TNFRSF14: variants seen among roughly 807,000 people sequenced by gnomAD.
TNFRSF14 encodes TNF receptor superfamily member 14.
Under a neutral mutation model 34.1 loss-of-function variants are expected in TNFRSF14, and 18 were observed. That is an observed-to-expected ratio of 0.53 (90% confidence interval 0.36 to 0.78). TNFRSF14 has a LOEUF of 0.78. TNFRSF14 is among the 30% of genes least tolerant of loss of function. The pLI is 0.00. For missense variants in TNFRSF14, 352 were observed against 379.5 expected, an observed-to-expected ratio of 0.93 and a Z score of 0.60; for synonymous variants, 157 against 153.2, an observed-to-expected ratio of 1.02 and a Z score of -0.18.
Position 2,561,694 on chromosome 1 carries a change from G to T in TNFRSF14, c.573G>T (p.Lys191Asn). 6.2e-7 allele frequency: 1 copy of T among 1,613,236 alleles called. No homozygotes were observed. The highest frequency in any genetic ancestry group is 1.3e-5 in the African/African-American group (1 of 75,048). The change falls in exon 6 of 8, where the codon AAG becomes AAT. Residue 191 changes from lysine (K) to asparagine (N), a missense_variant. Transcript: ENST00000355716. The surrounding 1 kb of genome is among the most constrained non-coding windows in gnomAD (Gnocchi z 6.0). ...HQTKCSWLVT[K>N]AGAGTSSSHW... Reference sequence around the variant, plus strand: ...GCAGGTGCAGCTGGCTGGTGACGAAGGCCGGAGCTGGGACCAGCAGCTCCC... The same window carrying T: ...GCAGGTGCAGCTGGCTGGTGACGAATGCCGGAGCTGGGACCAGCAGCTCCC...
At position 2,563,425 on chromosome 1, in the gene TNFRSF14, C is replaced by T. The variant is rs1644341190; in HGVS notation, c.*152C>T. 7.6e-7 allele frequency: 1 copy of T among 1,318,456 alleles called. No homozygotes were observed. Among genetic ancestry groups the T allele is most frequent in the Non-Finnish European group, 1.0e-6 (1 of 975,542 alleles). 81.7% of individuals were successfully genotyped at this position (1,318,456 alleles called of 1,614,324 possible). A position where few individuals can be genotyped will look rare whatever the true frequency, so the allele number is the denominator to read the frequency against. On this transcript the variant is annotated 3_prime_UTR_variant, in exon 8 of 8. Coordinates refer to ENST00000355716, the MANE Select transcript of TNFRSF14 (RefSeq NM_003820.4). Reference sequence around the variant, plus strand: ...CTCCAGTGGAGGGAGAGGTGGGGCCCCTGCTGGGGTAGAGCTGGGGACGCC... The same window carrying T: ...CTCCAGTGGAGGGAGAGGTGGGGCCTCTGCTGGGGTAGAGCTGGGGACGCC...
At chr1:2,558,682 C>T (rs975908841) in intron 3 of TNFRSF14, 26 of 1,152,910 alleles carry the variant, frequency 2.3e-5, no homozygotes, top group African/African-American at 1.1e-4. Flanking sequence ...ACTTTGTCAC[C>T]GCCAGGTGGG....
intron 6 of TNFRSF14, chr1:2,562,103 G>T: frequency 2.0e-6 from 1 of 500,974 alleles, no homozygotes; most frequent in Non-Finnish European, 3.6e-6. Context: ...TGTGGGATGT[G>T]GGGAGCAGGA....
intron 3 of TNFRSF14, chr1:2,558,704 T>C: frequency 8.9e-7 from 1 of 1,124,774 alleles, no homozygotes; most frequent in South Asian, 1.6e-5. Flanking sequence ...CATCCTGAGC[T>C]TGGCGACTGA....
Position 2,558,469 on chromosome 1 carries a change from G to C in TNFRSF14, c.304+1G>C. 1 of 1,613,014 alleles carries C rather than the reference G, an allele frequency of 6.2e-7. No individual in the cohort carries two copies. Among genetic ancestry groups the C allele is most frequent in the Non-Finnish European group, 8.5e-7 (1 of 1,179,832 alleles). On this transcript the variant is annotated splice_donor_variant, in intron 3 of 7. Coordinates refer to ENST00000355716, the MANE Select transcript of TNFRSF14 (RefSeq NM_003820.4). LOFTEE classifies it high-confidence loss of function. ...CTGCAGTGCCAAATGTGTGACCCAG[G>C]TAAGAGGCCAGCACAGCCGGCCCAG...
rs763098419 is a variant in TNFRSF14 at position 2,559,202 on chromosome 1, G to T, written c.305-621G>T. On this transcript the variant is annotated intron_variant, in intron 3 of 7. Coordinates refer to ENST00000355716, the MANE Select transcript of TNFRSF14 (RefSeq NM_003820.4). ...AAGAGGAAGCTGGAGTGCTTTGGGGGTTCATGCATGTAGGCTGGGATTTGG... is the reference window on the plus strand; with the variant it reads ...AAGAGGAAGCTGGAGTGCTTTGGGGTTTCATGCATGTAGGCTGGGATTTGG... 2.9e-6 allele frequency: 4 copies of T among 1,369,626 alleles called. No homozygotes were observed. In the South Asian group the frequency reaches 4.9e-5, roughly 17 times the overall value. The allele number at this position is 1,369,626 out of a possible 1,614,324, so 84.8% of individuals were successfully genotyped here.
Position 2,559,571 on chromosome 1 carries a change from TC to T in TNFRSF14, c.305-249del, listed in dbSNP as rs1256255204. On this transcript the variant is annotated intron_variant, in intron 3 of 7. Coordinates refer to ENST00000355716, the MANE Select transcript of TNFRSF14 (RefSeq NM_003820.4). ...CCCATCTGGGCAGAAGGCTGGTTTC[TC>T]CCATCAACGAAGCCCTCCCAGGACC... 5.2e-6 allele frequency: 8 copies of T among 1,527,074 alleles called. No individual in the cohort carries two copies. The South Asian group carries it at 6.0e-5, about 11-fold the overall frequency. The allele number at this position is 1,527,074 out of a possible 1,614,324, so 94.6% of individuals were successfully genotyped here.
chr1:2,563,085 C>T (rs192459939), intron 7 of TNFRSF14, 63 bp from the exon 8 acceptor site: 132 of 1,603,312 alleles, frequency 8.2e-5, no homozygotes, highest in East Asian at 1.1e-4. Context: ...AAAATGAACC[C>T]GAGAACCTGG....
intron 4 of TNFRSF14, 127 bp downstream of exon 4, chr1:2,560,105 A>G: frequency 1.5e-6 from 2 of 1,347,864 alleles, no homozygotes; most frequent in Non-Finnish European, 2.0e-6. Flanking sequence ...AACCTTGGCC[A>G]GCCCCAGGCC....
chr1:2,559,202 G>A (rs763098419), intron 3 of TNFRSF14: 11 of 1,369,508 alleles, frequency 8.0e-6, no homozygotes, highest in African/African-American at 2.9e-5. Context: ...TGCTTTGGGG[G>A]TTCATGCATG....
At position 2,559,602 on chromosome 1, in the gene TNFRSF14, T is replaced by C. The variant is rs781028769; in HGVS notation, c.305-221T>C. 179 of 1,533,170 alleles carry C rather than the reference T, an allele frequency of 1.2e-4. 1 individual carries two copies. The highest frequency in any genetic ancestry group is 1.5e-4 in the Non-Finnish European group (174 of 1,145,694). 95.0% of individuals were successfully genotyped at this position (1,533,170 alleles called of 1,614,324 possible). ...CAACGAAGCCCTCCCAGGACCTTCC[T>C]GCAAGCCCTCGTCCCACACGCAGCT... On this transcript the variant is annotated intron_variant, in intron 3 of 7. Coordinates refer to ENST00000355716, the MANE Select transcript of TNFRSF14 (RefSeq NM_003820.4).
chr1:2,557,846 C>G lies in TNFRSF14; in HGVS notation c.178+12C>G, dbSNP rs1644241625. 1.3e-6 allele frequency: 2 copies of G among 1,593,864 alleles called. No individual in the cohort carries two copies. The highest frequency in any genetic ancestry group is 1.7e-6 in the Non-Finnish European group (2 of 1,167,154). On this transcript the variant is annotated intron_variant, in intron 2 of 7. Coordinates refer to ENST00000355716, the MANE Select transcript of TNFRSF14 (RefSeq NM_003820.4). ...CAAGTGCAGTCCAGGTAGGTGCAGCCCTTTGGCGGGCCAGCTCTGTGGGCC... is the reference window on the plus strand; with the variant it reads ...CAAGTGCAGTCCAGGTAGGTGCAGCGCTTTGGCGGGCCAGCTCTGTGGGCC...
At chr1:2,559,720 A>G (rs1644276300) in intron 3 of TNFRSF14, 103 bp from the exon 4 acceptor site, 1 of 1,537,564 alleles carries the variant, frequency 6.5e-7, no homozygotes, top group African/African-American at 1.4e-5. Flanking sequence ...TCAGCCTGGC[A>G]GGGCGCCCTG....
At chr1:2,558,988 T>G (rs768407686) in intron 3 of TNFRSF14, 79 of 1,366,554 alleles carry the variant, frequency 5.8e-5, no homozygotes, top group Non-Finnish European at 7.3e-5. Flanking sequence ...GGCCTTTGAG[T>G]CACTGAGCGC....
chr1:2,560,472 G>T, intron 4 of TNFRSF14, 152 bp from the exon 5 acceptor site: 1 of 609,238 alleles, frequency 1.6e-6, no homozygotes, highest in Non-Finnish European at 2.9e-6. Flanking sequence ...CCACCTCCAA[G>T]ACTCTGGACA....
Position 2,563,232 on chromosome 1 carries a change from G to A in TNFRSF14, c.811G>A (p.Glu271Lys). Residue 271 changes from glutamate (E) to lysine (K), a missense_variant, in exon 8 of 8, where the codon GAG (glutamate) becomes AAG (lysine). Glu to Lys is a moderately conservative substitution (Grantham distance 56). Coordinates refer to ENST00000355716, the MANE Select transcript of TNFRSF14 (RefSeq NM_003820.4). ...PPDVTTVAVEETIPSFTGRSP... is the reference protein window; with the variant it reads ...PPDVTTVAVEKTIPSFTGRSP... ...GGACGTCACCACGGTGGCCGTGGAG[G>A]AGACAATACCCTCATTCACGGGGAG... 1 of 1,613,540 alleles carries A rather than the reference G, an allele frequency of 6.2e-7. No individual in the cohort carries two copies. Among genetic ancestry groups the A allele is most frequent in the Non-Finnish European group, 8.5e-7 (1 of 1,180,018 alleles).
chr1:2,560,050 G>T, intron 4 of TNFRSF14, 72 bp downstream of exon 4: 1 of 1,457,864 alleles, frequency 6.9e-7, no homozygotes, highest in Non-Finnish European at 9.1e-7. Flanking sequence ...TGGAGCCCCA[G>T]GTTTCCTCGA....
intron 3 of TNFRSF14, 124 bp from the exon 4 acceptor site, chr1:2,559,699 G>A (rs1283712755): frequency 3.3e-6 from 5 of 1,536,100 alleles, no homozygotes; most frequent in African/African-American, 1.4e-5. Flanking sequence ...TCGTTTGGCT[G>A]AGCCAGGGGT....
chr1:2,556,586 C>A lies in TNFRSF14; in HGVS notation c.-79C>A, dbSNP rs538377825. 8.1e-6 allele frequency: 11 copies of A among 1,365,212 alleles called. No homozygotes were observed. Among genetic ancestry groups the A allele is most frequent in the Middle Eastern group, 3.5e-4 (2 of 5,642 alleles). 84.6% of individuals were successfully genotyped at this position (1,365,212 alleles called of 1,614,324 possible). A position where few individuals can be genotyped will look rare whatever the true frequency, so the allele number is the denominator to read the frequency against. On this transcript the variant is annotated 5_prime_UTR_variant, in exon 1 of 8. Coordinates refer to ENST00000355716, the MANE Select transcript of TNFRSF14 (RefSeq NM_003820.4). ...TTCTCTTTCTCTTCTGGCCCACAGC[C>A]GCAGCAATGGCGCTGAGTTCCTCTG...
Sources: gnomAD v4.1 joint callset for allele counts on GRCh38, gnomAD v4.1.1 for gene constraint, Gnocchi (gnomAD v3.1) non-coding constraint, MANE v1.5 for transcripts, NCBI Gene and HGNC (gene_info 2026-07-23, HGNC 2026-07-21) for gene names.